SLC51A: variants seen among roughly 807,000 people sequenced by gnomAD.
SLC51A encodes the protein solute carrier family 51 member A, also known as organic solute transporter subunit alpha.
A neutral mutation model predicts 34.8 loss-of-function variants in SLC51A; 22 were observed. That is an observed-to-expected ratio of 0.63 (90% CI 0.45 to 0.90). The LOEUF (loss-of-function observed/expected upper bound fraction) is 0.90, where lower values mean the gene tolerates loss of function less well. Ranked by LOEUF, SLC51A falls within the 40% of genes least tolerant of loss-of-function variation. The pLI, the probability that SLC51A is intolerant of heterozygous loss-of-function variation, is 0.00. For missense variants in SLC51A, 371 were observed against 414.8 expected (o/e 0.89, Z 0.92); for synonymous variants, 181 against 176.3 (o/e 1.03, Z -0.21).
chr3:196,217,994 G>A, intron 2 of SLC51A, 58 bp downstream of exon 2: 1 of 1,505,652 alleles, frequency 6.6e-7, no homozygotes, highest in South Asian at 1.2e-5. Context: ...ATAGCTGAGT[G>A]GAGCTGGGGA....
intron 3 of SLC51A, 108 bp downstream of exon 3, chr3:196,227,227 C>A (rs987550943): frequency 2.5e-6 from 3 of 1,223,538 alleles, no homozygotes; most frequent in Non-Finnish European, 2.3e-6. Context: ...TGTCCTGCCA[C>A]GACCCGCGGA....
At chr3:196,229,874 A>C (rs777359117) in intron 6 of SLC51A, 41 bp from the exon 7 acceptor site, 5 of 1,553,794 alleles carry the variant, frequency 3.2e-6, no homozygotes, top group Admixed American at 1.9e-5. Context: ...AGAGAGAGAG[A>C]GAGCTTGCCT....
chr3:196,222,901 G>A (rs868193090), intron 2 of SLC51A, among the ~76,000 whole-genome samples: 1 of 151,764 alleles, frequency 6.6e-6, no homozygotes, highest in African/African-American at 2.4e-5. Flanking sequence ...ACCCAGTATC[G>A]GGCTATGGAT....
In SLC51A at chr3:196,227,377, TAC is replaced by T. The variant is rs1394128071; in HGVS notation, c.288+260_288+261del. 261 of 592,314 alleles carry T rather than the reference TAC, an allele frequency of 4.4e-4. 1 individual carries two copies. Among genetic ancestry groups the T allele is most frequent in the Non-Finnish European group, 5.1e-5 (17 of 332,480 alleles). The allele number at this position is 592,314 out of a possible 1,614,324, so 36.7% of individuals were successfully genotyped here. A position where few individuals can be genotyped will look rare whatever the true frequency, so the allele number is the denominator to read the frequency against. ...CAGCCGCCTCATCCTTGCTCCCCGC[TAC>T]AGTGTTGCCACTTGAAGAGCTTCCT... On this transcript the variant is annotated intron_variant, in intron 3 of 8. Transcript: ENST00000296327.
At chr3:196,220,506 A>G (rs1336667570) in intron 2 of SLC51A, among the ~76,000 whole-genome samples, 1 of 152,140 alleles carries the variant, frequency 6.6e-6, no homozygotes, top group Non-Finnish European at 1.5e-5. Context: ...CTGAGGCAGG[A>G]GAATCGCTTG....
chr3:196,223,207 T>C (rs1383622298), intron 2 of SLC51A, among the ~76,000 whole-genome samples: 2 of 151,872 alleles, frequency 1.3e-5, no homozygotes, highest in East Asian at 3.9e-4. Flanking sequence ...TCTCTGAGCC[T>C]CGTTTCCTGA....
chr3:196,230,371 C>A (rs1042950015), intron 7 of SLC51A, among the ~76,000 whole-genome samples: 2 of 152,154 alleles, frequency 1.3e-5, no homozygotes, highest in Admixed American at 6.5e-5. Context: ...TCCCTTTGAG[C>A]CCTGCAGGGG....
chr3:196,229,703 A>G (rs989178379), intron 6 of SLC51A: 14 of 430,808 alleles, frequency 3.2e-5, no homozygotes, highest in Non-Finnish European at 5.1e-5. Context: ...AAAAAAAAAA[A>G]GTTAGCTGGG....
chr3:196,230,510 ATTT>A (rs372727578), intron 7 of SLC51A, among the ~76,000 whole-genome samples: 4 of 135,042 alleles, frequency 3.0e-5, no homozygotes, highest in Admixed American at 1.5e-4. Flanking sequence ...TGTGTCTTCT[ATTT>A]TTTTTTTTTT....
chr3:196,227,721 G>A lies in SLC51A; in HGVS notation c.346G>A (p.Glu116Lys), dbSNP rs1422114906. Residue 116 changes from glutamate (E) to lysine (K), a missense_variant, in exon 4 of 9, where the codon GAA becomes AAA. By Grantham distance (56) the Glu-to-Lys change is moderately conservative. Coordinates refer to ENST00000296327, the MANE Select transcript of SLC51A (RefSeq NM_152672.6). ...GATCCCTCGTTCCCTGGTGCTGGTG[G>A]AAATGACCATCACCTCGTGAGTGCC... ...LWIPRSLVLV[E>K]MTITSFYAVC... 1.2e-6 allele frequency: 2 copies of A among 1,613,356 alleles called. No homozygotes were observed. The highest frequency in any genetic ancestry group is 1.7e-6 in the Non-Finnish European group (2 of 1,179,780).
At position 196,216,868 on chromosome 3, in the gene SLC51A, T is replaced by C; in HGVS notation, c.38+118T>C. 5 of 1,106,490 alleles carry C rather than the reference T, an allele frequency of 4.5e-6. No homozygotes were observed. In the East Asian group the frequency reaches 1.3e-4, roughly 29 times the overall value. The allele number at this position is 1,106,490 out of a possible 1,614,324, so 68.5% of individuals were successfully genotyped here. On this transcript the variant is annotated intron_variant, in intron 1 of 8. Transcript: ENST00000296327. This position sits in a 1 kb window ranked among gnomAD's most constrained non-coding sequence, Gnocchi z 4.5. The stretch of plus-strand genomic sequence containing the variant: ...GGCCGCACTCAGAATGAGACAGGAC[T>C]GGAAATGCTCTAGCTGTTCCTAGGT...
chr3:196,219,103 G>A (rs1004710415), intron 2 of SLC51A, among the ~76,000 whole-genome samples: 10 of 152,124 alleles, frequency 6.6e-5, no homozygotes, highest in African/African-American at 2.4e-4. Context: ...GCGGGCACCT[G>A]TAATCCCAGC....
intron 4 of SLC51A, 104 bp downstream of exon 4, chr3:196,227,841 C>G: frequency 8.6e-7 from 1 of 1,168,114 alleles, no homozygotes; most frequent in Non-Finnish European, 1.2e-6. Context: ...CTGGCCCTTC[C>G]CAGCTTGTGC....
At chr3:196,221,865 G>A (rs1351871104) in intron 2 of SLC51A, among the ~76,000 whole-genome samples, 2 of 151,906 alleles carry the variant, frequency 1.3e-5, no homozygotes, top group African/African-American at 2.4e-5. Flanking sequence ...ACAGGCGCCC[G>A]CCACCACACC....
At chr3:196,227,234 CG>C (rs1473483910) in intron 3 of SLC51A, 115 bp downstream of exon 3, 1 of 1,158,644 alleles carries the variant, frequency 8.6e-7, no homozygotes, top group Non-Finnish European at 1.2e-6. Context: ...CCACGACCCG[CG>C]GAGGGCCGAG....
chr3:196,227,208 G>T, intron 3 of SLC51A, 89 bp downstream of exon 3: 3 of 606,742 alleles, frequency 4.9e-6, no homozygotes, highest in Non-Finnish European at 7.0e-6. Context: ...ACGTCACTTC[G>T]GCAAAGAGTG....
intron 2 of SLC51A, among the ~76,000 whole-genome samples, chr3:196,219,269 A>G (rs1723680144): frequency 6.6e-6 from 1 of 152,164 alleles, no homozygotes; most frequent in South Asian, 2.1e-4. Flanking sequence ...AAGAAAGTGA[A>G]AGGCATAGGA....
chr3:196,232,497 C>T lies in SLC51A; in HGVS notation c.859C>T (p.Pro287Ser). Residue 287 changes from proline (P) to serine (S), a missense_variant, in exon 8 of 9, where the codon CCC (proline) becomes TCC (serine). By Grantham distance (74) the Pro-to-Ser change is moderately conservative (BLOSUM62 -1). Coordinates refer to ENST00000296327, the MANE Select transcript of SLC51A (RefSeq NM_152672.6). Reference sequence around the variant, plus strand: ...CGGTGGGCAGATTGCTTGTTCGCCTCCCTATTCCTCTAAAACCAGGTCTCA... The same window carrying T: ...CGGTGGGCAGATTGCTTGTTCGCCTTCCTATTCCTCTAAAACCAGGTCTCA... ...ANGGQIACSP[P>S]YSSKTRSQVM... The T allele has an allele frequency of 6.2e-7, 1 of 1,614,152 alleles. No homozygotes were observed. Among genetic ancestry groups the T allele is most frequent in the Non-Finnish European group, 8.5e-7 (1 of 1,179,980 alleles).
rs545892774 is a variant in SLC51A, at chr3:196,218,822, A to C, written c.133+886A>C. Among the ~76,000 whole-genome samples the C allele has an allele frequency of 4.0e-5, 6 of 151,516 alleles. No homozygotes were observed. In the East Asian group the frequency reaches 1.2e-3, roughly 30 times the overall value. On this transcript the variant is annotated intron_variant, in intron 2 of 8. Transcript: ENST00000296327. ...GTTTTGCAGCTTCCCTTTTGCAAGA[A>C]GCACTTTTTCCAAATAAAACAGTAA... is the stretch of plus-strand genomic sequence containing the variant.
Sources: allele counts gnomAD v4.1 joint callset (sites outside exome capture counted in the v4.1 genomes callset), GRCh38; gene constraint gnomAD v4.1.1; non-coding constraint Gnocchi (gnomAD v3.1); transcripts MANE v1.5; gene names NCBI Gene and HGNC (gene_info 2026-07-23, HGNC 2026-07-21).